The following MGAT4C variants were observed in gnomAD, a reference collection of about 807,000 sequenced individuals.
MGAT4C encodes the protein alpha-1,3-mannosyl-glycoprotein 4-beta-N-acetylglucosaminyltransferase C.
In MGAT4C, 19 loss-of-function variants were observed where a neutral mutation model predicts 40.1. The ratio of observed to expected loss-of-function variants is 0.47; its 90% CI spans 0.33 to 0.70. The LOEUF (loss-of-function observed/expected upper bound fraction) is 0.70, where lower values mean the gene tolerates loss of function less well. Among genes scored for constraint, MGAT4C ranks in the 30% least tolerant of loss-of-function variants. The pLI, the probability that MGAT4C is intolerant of heterozygous loss-of-function variation, is 0.02. For missense variants in MGAT4C, 491 were observed against 563.2 expected, an observed-to-expected ratio of 0.87 and a Z score of 1.30; for synonymous variants, 181 against 187.1, an observed-to-expected ratio of 0.97 and a Z score of 0.27.
intron 1 of MGAT4C, among the ~76,000 whole-genome samples, chr12:86,737,359 T>TTG (rs1186414111): frequency 6.6e-6 from 1 of 150,612 alleles, no homozygotes; most frequent in Non-Finnish European, 1.5e-5. Context: ...TTTTTTTTTT[T>TTG]TTAACTTGGC....
At position 86,741,895 on chromosome 12, in the gene MGAT4C, T is replaced by C. The variant is rs544893910; in HGVS notation, c.-261-14654A>G. Among the ~76,000 whole-genome samples, 26 of 151,616 alleles carry C rather than the reference T, an allele frequency of 1.7e-4. 1 individual carries two copies. The South Asian group carries it at 4.8e-3, about 28-fold the overall frequency. The stretch of plus-strand genomic sequence containing the variant: ...AACTCCTCCATAGTTTTAGACTACA[T>C]ATTTAAAAGTAAACAAGCAAAACAG... On this transcript the variant is annotated intron_variant, in intron 1 of 7. Coordinates refer to the MGAT4C transcript ENST00000548651.
intron 1 of MGAT4C, among the ~76,000 whole-genome samples, chr12:86,821,502 G>C (rs1291077130): frequency 6.6e-6 from 1 of 150,700 alleles, no homozygotes; most frequent in Non-Finnish European, 1.5e-5. Flanking sequence ...CTTTGTGTTA[G>C]GAACATTTTA....
chr12:86,571,257 T>G (rs1317603033), intron 2 of MGAT4C, among the ~76,000 whole-genome samples: 3 of 152,166 alleles, frequency 2.0e-5, no homozygotes, highest in Admixed American at 2.0e-4. Flanking sequence ...TAGTGATATT[T>G]TCTACACTGG....
intron 2 of MGAT4C, among the ~76,000 whole-genome samples, chr12:86,531,333 T>G (rs1247810996): frequency 6.6e-6 from 1 of 152,016 alleles, no homozygotes; most frequent in Non-Finnish European, 1.5e-5. Flanking sequence ...ACTTATAGAC[T>G]TCACGGGGTA....
intron 2 of MGAT4C, among the ~76,000 whole-genome samples, chr12:86,493,744 A>C (rs1958182966): frequency 6.6e-6 from 1 of 151,998 alleles, no homozygotes; most frequent in Non-Finnish European, 1.5e-5. Context: ...ACATGTATAC[A>C]TATGTAACTA....
intron 1 of MGAT4C, among the ~76,000 whole-genome samples, chr12:86,798,131 C>A (rs560339495): frequency 6.6e-6 from 1 of 152,016 alleles, no homozygotes; most frequent in Admixed American, 6.6e-5. Context: ...GTGAGATTAA[C>A]TGACCAGATC....
At chr12:86,406,645 A>C (rs1956480501) in intron 3 of MGAT4C, among the ~76,000 whole-genome samples, 1 of 152,066 alleles carries the variant, frequency 6.6e-6, no homozygotes, top group South Asian at 2.1e-4. Flanking sequence ...AAACTTGTCC[A>C]TTCGTACATT....
intron 2 of MGAT4C, among the ~76,000 whole-genome samples, chr12:86,584,577 A>G (rs1456933313): frequency 6.6e-6 from 1 of 151,364 alleles, no homozygotes; most frequent in Non-Finnish European, 1.5e-5. Flanking sequence ...CAAATAAAGT[A>G]TAATAAAAAT....
At chr12:86,680,853 C>T (rs1457427680) in intron 2 of MGAT4C, among the ~76,000 whole-genome samples, 1 of 151,758 alleles carries the variant, frequency 6.6e-6, no homozygotes, top group Non-Finnish European at 1.5e-5. Flanking sequence ...TTTCTTCTTT[C>T]TATAGTTGTG....
chr12:86,728,345 A>C (rs1950857094), intron 1 of MGAT4C, among the ~76,000 whole-genome samples: 1 of 152,172 alleles, frequency 6.6e-6, no homozygotes, highest in African/African-American at 2.4e-5. Flanking sequence ...TATTATAGAA[A>C]TGTTGGCTAT....
At chr12:86,135,993 G>A (rs2135723732) in intron 1 of MGAT4C, among the ~76,000 whole-genome samples, 1 of 152,274 alleles carries the variant, frequency 6.6e-6, no homozygotes, top group African/African-American at 2.4e-5. Context: ...GACTAAAACT[G>A]TAGTTTTGGT....
At chr12:86,754,867 T>G (rs1183290997) in intron 1 of MGAT4C, among the ~76,000 whole-genome samples, 1 of 152,124 alleles carries the variant, frequency 6.6e-6, no homozygotes, top group East Asian at 1.9e-4. Flanking sequence ...TCCATGATGG[T>G]CTGAAACATA....
chr12:86,381,641 A>G (rs963444920), intron 3 of MGAT4C, among the ~76,000 whole-genome samples: 2 of 152,188 alleles, frequency 1.3e-5, no homozygotes, highest in Non-Finnish European at 2.9e-5. Flanking sequence ...TGCTTTACCA[A>G]GTTTTTAGGT....
chr12:86,471,043 C>CA (rs1957750947), intron 2 of MGAT4C, among the ~76,000 whole-genome samples: 2 of 151,736 alleles, frequency 1.3e-5, no homozygotes, highest in South Asian at 2.1e-4. Context: ...GAAATGAAGA[C>CA]AAAATAAGAA....
chr12:86,642,805 T>A (rs1963429246), intron 2 of MGAT4C, among the ~76,000 whole-genome samples: 1 of 151,512 alleles, frequency 6.6e-6, no homozygotes, highest in East Asian at 1.9e-4. Flanking sequence ...ATATATATAT[T>A]TTATATGTAT....
Position 85,978,689 on chromosome 12 carries a change from A to G in MGAT4C, c.*600T>C, listed in dbSNP as rs1364948208. On this transcript the variant is annotated 3_prime_UTR_variant, in exon 5 of 5. Coordinates refer to ENST00000611864, the MANE Select transcript of MGAT4C (RefSeq NM_001351288.2). ...TAAACAATGAACAATATCCCCTTTC[A>G]TATAAATAATCAGGGGAGAGATATT... 6.6e-6 allele frequency: 1 copy of G among 152,042 alleles called. No homozygotes were observed. The highest frequency in any genetic ancestry group is 1.5e-5 in the Non-Finnish European group (1 of 67,702). The allele number at this position is 152,042 out of a possible 1,614,324, so 9.4% of individuals were successfully genotyped here.
intron 3 of MGAT4C, among the ~76,000 whole-genome samples, chr12:86,402,170 C>A (rs1956376740): frequency 6.6e-6 from 1 of 152,014 alleles, no homozygotes; most frequent in Non-Finnish European, 1.5e-5. Flanking sequence ...ATAGGCCGGG[C>A]ACAGTGGCTC....
chr12:86,208,829 A>G (rs1232513446), intron 1 of MGAT4C, among the ~76,000 whole-genome samples: 2 of 152,142 alleles, frequency 1.3e-5, no homozygotes, highest in Non-Finnish European at 2.9e-5. Context: ...TTCTTAAATA[A>G]TAGATTGATT....
At position 86,738,433 on chromosome 12, in the gene MGAT4C, T is replaced by C. The variant is rs1249800717; in HGVS notation, c.-261-11192A>G. Among the ~76,000 whole-genome samples, 3 of 151,452 alleles carry C rather than the reference T, an allele frequency of 2.0e-5. No homozygotes were observed. In the South Asian group the frequency reaches 6.2e-4, roughly 31 times the overall value. On this transcript the variant is annotated intron_variant, in intron 1 of 7. Transcript: ENST00000548651. ...TATATAGTTCCTTGGTTAATTTGTT[T>C]TCCTTCTAGAATAAATATCTTCATA...
Sources: gnomAD v4.1 joint callset for allele counts (sites outside exome capture counted in the v4.1 genomes callset) on GRCh38, gnomAD v4.1.1 for gene constraint, MANE v1.5 for transcripts, NCBI Gene and HGNC (gene_info 2026-07-23, HGNC 2026-07-21) for gene names.